The following NAPB variants were observed in gnomAD, a reference collection of about 807,000 sequenced individuals.
NAPB encodes NSF attachment protein beta, also known as beta-soluble NSF attachment protein.
Under a neutral mutation model 44.7 loss-of-function variants are expected in NAPB, and 26 were observed. The ratio of observed to expected loss-of-function variants is 0.58; its 90% CI spans 0.43 to 0.81. NAPB has a LOEUF of 0.81. Among genes scored for constraint, NAPB ranks in the 30% least tolerant of loss-of-function variants. NAPB has a pLI of 0.00. For synonymous variants in NAPB, 120 were observed against 116.8 expected (o/e 1.03, Z -0.18); for missense variants, 315 against 356.4 (o/e 0.88, Z 0.94).
intron 5 of NAPB, among the ~76,000 whole-genome samples, chr20:23,391,677 T>C (rs1238021038): frequency 6.6e-6 from 1 of 152,220 alleles, no homozygotes; most frequent in East Asian, 1.9e-4. Context: ...ACACAAGATA[T>C]AAATGAATAA....
chr20:23,397,249 G>C, intron 2 of NAPB, 61 bp from the exon 3 acceptor site: 1 of 1,540,850 alleles, frequency 6.5e-7, no homozygotes, highest in East Asian at 2.3e-5. Context: ...AGCCCATGCT[G>C]TAAGCACTGG....
intron 2 of NAPB, among the ~76,000 whole-genome samples, chr20:23,400,609 T>C (rs1984763665): frequency 2.6e-5 from 4 of 152,142 alleles, no homozygotes; most frequent in Admixed American, 1.3e-4. Flanking sequence ...CTAAATTTCC[T>C]CACCCGCAAA....
chr20:23,405,023 C>T (rs1211731095), intron 1 of NAPB, among the ~76,000 whole-genome samples: 4 of 152,166 alleles, frequency 2.6e-5, no homozygotes, highest in Non-Finnish European at 4.4e-5. Flanking sequence ...CACATCCCGG[C>T]GGGGCGAGGA....
At chr20:23,414,032 C>T (rs2424550) in intron 1 of NAPB, among the ~76,000 whole-genome samples, 45,236 of 151,998 alleles carry the variant, frequency 0.3, 6,764 homozygotes, top group Middle Eastern at 0.38. Context: ...TATGTAAAAA[C>T]AGAATCTAGG....
At chr20:23,382,758 G>A (rs1983121478) in intron 7 of NAPB, among the ~76,000 whole-genome samples, 1 of 152,162 alleles carries the variant, frequency 6.6e-6, no homozygotes, top group African/African-American at 2.4e-5. Flanking sequence ...AGGAACAACA[G>A]AGAGAAGACA....
intron 1 of NAPB, among the ~76,000 whole-genome samples, chr20:23,415,115 T>A (rs769725332): frequency 3.0e-4 from 46 of 152,268 alleles, no homozygotes; most frequent in Middle Eastern, 3.4e-3. Context: ...TAATAAATTT[T>A]TCATCATTTT....
In NAPB at chr20:23,421,462, A is replaced by G. The variant is rs1377349931; in HGVS notation, c.-60T>C. Reference sequence around the variant, plus strand: ...GGCTCGCTGTGCGCCCAGGCGCCTTAACCCTCCCTCTGGCGGCCGCAGGGA... The same window carrying G: ...GGCTCGCTGTGCGCCCAGGCGCCTTGACCCTCCCTCTGGCGGCCGCAGGGA... On this transcript the variant is annotated 5_prime_UTR_variant, in exon 1 of 11. Coordinates refer to ENST00000377026, the MANE Select transcript of NAPB (RefSeq NM_022080.3). 6.8e-7 allele frequency: 1 copy of G among 1,464,016 alleles called. No individual in the cohort carries two copies. Among genetic ancestry groups the G allele is most frequent in the Non-Finnish European group, 9.2e-7 (1 of 1,091,772 alleles). 90.7% of individuals were successfully genotyped at this position (1,464,016 alleles called of 1,614,324 possible). A position where few individuals can be genotyped will look rare whatever the true frequency, so the allele number is the denominator to read the frequency against.
intron 10 of NAPB, chr20:23,379,050 T>C (rs555002325): frequency 6.3e-6 from 1 of 157,684 alleles, no homozygotes; most frequent in African/African-American, 2.4e-5. Flanking sequence ...ATTTCCTGAC[T>C]CATGATCTGC....
At position 23,375,227 on chromosome 20, in the gene NAPB, T is replaced by C. The variant is rs768005773; in HGVS notation, c.*2149A>G. Reference sequence around the variant, plus strand: ...ACCCCGGAACTGGTCCCAGTGTTTATTGCAATACAAACAAGTGACCCTCTA... The same window carrying C: ...ACCCCGGAACTGGTCCCAGTGTTTACTGCAATACAAACAAGTGACCCTCTA... On this transcript the variant is annotated 3_prime_UTR_variant, in exon 11 of 11. Coordinates refer to ENST00000377026, the MANE Select transcript of NAPB (RefSeq NM_022080.3). 2 of 152,186 alleles carry C rather than the reference T, an allele frequency of 1.3e-5. No individual in the cohort carries two copies. The highest frequency in any genetic ancestry group is 2.4e-5 in the African/African-American group (1 of 41,442). 9.4% of individuals were successfully genotyped at this position (152,186 alleles called of 1,614,324 possible).
rs1266727218 is a variant in NAPB at position 23,403,012 on chromosome 20, C to G, written c.159G>C (p.Lys53Asn). The change falls in exon 2 of 11, where the codon AAG (lysine) becomes AAC (asparagine). Residue 53 changes from lysine to asparagine, a missense_variant. Physicochemically the swap from Lys to Asn is moderately conservative, Grantham distance 94. Transcript: ENST00000377026. The part of the protein sequence containing the change: ...EMYTRAANMF[K>N]MAKNWSAAGN... ...ACATACCACTCCAATTTTTAGCCAT[C>G]TTGAACATATTTGCAGCTCTGGTAT... 1.2e-6 allele frequency: 2 copies of G among 1,613,856 alleles called. No individual in the cohort carries two copies. Among genetic ancestry groups the G allele is most frequent in the Non-Finnish European group, 8.5e-7 (1 of 1,179,872 alleles).
chr20:23,398,321 C>A (rs1984528491), intron 2 of NAPB, among the ~76,000 whole-genome samples: 1 of 152,112 alleles, frequency 6.6e-6, no homozygotes, highest in Non-Finnish European at 1.5e-5. Context: ...GTACTCACTG[C>A]TGATATTAAA....
chr20:23,418,997 T>C (rs912608586), intron 1 of NAPB, among the ~76,000 whole-genome samples: 4 of 152,062 alleles, frequency 2.6e-5, no homozygotes, highest in African/African-American at 4.8e-5. Context: ...TCTGGAAAAG[T>C]TATCTGTTTG....
chr20:23,401,912 GTAAA>G, intron 2 of NAPB, among the ~76,000 whole-genome samples: 1 of 150,428 alleles, frequency 6.6e-6, no homozygotes, highest in African/African-American at 2.4e-5. Context: ...AATTAAGTAA[GTAAA>G]TAAATAAGTA....
At chr20:23,409,542 T>C (rs77854617) in intron 1 of NAPB, among the ~76,000 whole-genome samples, 3,733 of 152,296 alleles carry the variant, frequency 0.025, 151 homozygotes, top group African/African-American at 0.084. Context: ...TAATGGTAAC[T>C]GCTAGATTAA....
chr20:23,407,954 G>A (rs116319638), intron 1 of NAPB, among the ~76,000 whole-genome samples: 128 of 152,300 alleles, frequency 8.4e-4, no homozygotes, highest in African/African-American at 3.0e-3. Flanking sequence ...TGGGTGGGAG[G>A]AAGGAGACAT....
intron 1 of NAPB, 136 bp downstream of exon 1, chr20:23,421,169 C>A: frequency 1.5e-6 from 1 of 656,128 alleles, no homozygotes; most frequent in Non-Finnish European, 2.5e-6. Flanking sequence ...CTGGAGGGCG[C>A]CTGCAGGCTG....
intron 5 of NAPB, among the ~76,000 whole-genome samples, 199 bp downstream of exon 5, chr20:23,394,723 A>C (rs934564172): frequency 6.6e-6 from 1 of 152,182 alleles, no homozygotes; most frequent in African/African-American, 2.4e-5. Context: ...AATCTTAATC[A>C]GCTCTCATGT....
chr20:23,387,603 TA>T (rs1053733552), intron 7 of NAPB, among the ~76,000 whole-genome samples: 1 of 151,966 alleles, frequency 6.6e-6, no homozygotes, highest in African/African-American at 2.4e-5. Context: ...TTAACAATCT[TA>T]AAAGGAAATT....
In NAPB at chr20:23,421,452, C is replaced by CA. The variant is rs1478852632; in HGVS notation, c.-51dup. 1 of 1,510,880 alleles carries CA rather than the reference C, an allele frequency of 6.6e-7. No homozygotes were observed. The highest frequency in any genetic ancestry group is 8.9e-7 in the Non-Finnish European group (1 of 1,122,726). 93.6% of individuals were successfully genotyped at this position (1,510,880 alleles called of 1,614,324 possible). A position where few individuals can be genotyped will look rare whatever the true frequency, so the allele number is the denominator to read the frequency against. ...CCCCTCAGCCGGCTCGCTGTGCGCC[C>CA]AGGCGCCTTAACCCTCCCTCTGGCG... On this transcript the variant is annotated 5_prime_UTR_variant, in exon 1 of 11. Transcript: ENST00000377026.
Sources: allele counts gnomAD v4.1 joint callset (sites outside exome capture counted in the v4.1 genomes callset), GRCh38; gene constraint gnomAD v4.1.1; transcripts MANE v1.5; gene names NCBI Gene and HGNC (gene_info 2026-07-23, HGNC 2026-07-21).